Variants in MEI4 observed in about 807,000 individuals in gnomAD.
MEI4 encodes the protein meiotic double-stranded break formation protein 4.
A neutral mutation model predicts 31.4 loss-of-function variants in MEI4; 27 were observed. That is an observed-to-expected ratio of 0.86 (90% CI 0.63 to 1.19). The LOEUF (loss-of-function observed/expected upper bound fraction) is 1.19. Among genes scored for constraint, MEI4 ranks in the 50% most tolerant of loss-of-function variants. The probability of loss-of-function intolerance (pLI) is 0.00; values close to 1 mark genes in which losing one functional copy is unlikely to be tolerated. For synonymous variants in MEI4, 122 were observed against 145.4 expected (o/e 0.84, Z 1.16); for missense variants, 329 against 398.9 (o/e 0.82, Z 1.49).
intron 3 of MEI4, among the ~76,000 whole-genome samples, chr6:77,816,607 G>A (rs1769695273): frequency 1.3e-5 from 2 of 152,112 alleles, no homozygotes; most frequent in Admixed American, 6.6e-5. Flanking sequence ...ACATAGGTGT[G>A]CATGTGTCTT....
At chr6:77,918,792 CT>C (rs1434967745) in intron 4 of MEI4, among the ~76,000 whole-genome samples, 2 of 151,978 alleles carry the variant, frequency 1.3e-5, no homozygotes, top group Non-Finnish European at 2.9e-5. Context: ...CTGGCCAGAA[CT>C]TCCAATACTA....
chr6:77,660,214 G>C (rs933411747), intron 1 of MEI4, among the ~76,000 whole-genome samples: 1 of 152,290 alleles, frequency 6.6e-6, no homozygotes, highest in Admixed American at 6.5e-5. Context: ...GAAGTGGCTA[G>C]GAGAGAATGG....
chr6:77,734,386 A>T (rs1273516745), intron 2 of MEI4, among the ~76,000 whole-genome samples: 3 of 152,036 alleles, frequency 2.0e-5, no homozygotes, highest in Admixed American at 2.0e-4. Flanking sequence ...CTTTACCATT[A>T]TGTAATGGCC....
chr6:77,797,043 ATGATTAAC>A (rs1250261082), intron 3 of MEI4, among the ~76,000 whole-genome samples: 1 of 152,216 alleles, frequency 6.6e-6, no homozygotes, highest in Admixed American at 6.5e-5. Flanking sequence ...ACACATGTGT[ATGATTAAC>A]TGATTTTTGA....
At chr6:77,880,235 T>TTTTTTTTTTTTTG (rs1554171569) in intron 4 of MEI4, among the ~76,000 whole-genome samples, 42 of 51,250 alleles carry the variant, frequency 8.2e-4, no homozygotes, top group African/African-American at 3.5e-3. Context: ...TTTTTGTTTG[T>TTTTTTTTTTTTTG]TTTTTTTTTT....
chr6:77,696,519 T>G (rs1766049630), intron 2 of MEI4, among the ~76,000 whole-genome samples: 1 of 152,014 alleles, frequency 6.6e-6, no homozygotes, highest in Non-Finnish European at 1.5e-5. Context: ...TCTATTGAGA[T>G]AATCATGTGG....
intron 3 of MEI4, among the ~76,000 whole-genome samples, chr6:77,799,651 G>C (rs563019420): frequency 6.6e-6 from 1 of 151,960 alleles, no homozygotes; most frequent in Admixed American, 6.6e-5. Context: ...TCTTTAATCC[G>C]TCTTGAATTA....
intron 4 of MEI4, among the ~76,000 whole-genome samples, chr6:77,917,205 A>G (rs1435014147): frequency 6.6e-6 from 1 of 151,848 alleles, no homozygotes; most frequent in Admixed American, 6.6e-5. Context: ...AGTCTTTGCT[A>G]TTGTGAATAA....
intron 2 of MEI4, among the ~76,000 whole-genome samples, chr6:77,715,345 C>T (rs1395820771): frequency 6.6e-6 from 1 of 152,074 alleles, no homozygotes; most frequent in African/African-American, 2.4e-5. Flanking sequence ...TGAGAATGGA[C>T]TTTATTTTCA....
Position 77,847,047 on chromosome 6 carries a change from G to A in MEI4, c.900+17985G>A, listed in dbSNP as rs1019509209. Among the ~76,000 whole-genome samples, 2 of 152,114 alleles carry A rather than the reference G, an allele frequency of 1.3e-5. No individual in the cohort carries two copies. Among genetic ancestry groups the A allele is most frequent in the Admixed American group, 6.6e-5 (1 of 15,260 alleles). Reference sequence around the variant, plus strand: ...GAAATAATGTTTAACAACAATGACTGTCATCTTAAAGGGTTCTGTGCTTTT... The same window carrying A: ...GAAATAATGTTTAACAACAATGACTATCATCTTAAAGGGTTCTGTGCTTTT... On this transcript the variant is annotated intron_variant, in intron 4 of 4. Transcript: ENST00000684080. This position sits in a 1 kb window ranked among gnomAD's most constrained non-coding sequence, Gnocchi z 4.6.
At position 77,851,331 on chromosome 6, in the gene MEI4, C is replaced by T. The variant is rs531779381; in HGVS notation, c.900+22269C>T. Among the ~76,000 whole-genome samples the T allele has an allele frequency of 4.6e-5, 7 of 152,162 alleles. No individual in the cohort carries two copies. The South Asian group carries it at 1.2e-3, about 27-fold the overall frequency. On this transcript the variant is annotated intron_variant, in intron 4 of 4. Transcript: ENST00000684080. Reference sequence around the variant, plus strand: ...AGTCATGCTGCTATAAAGACACATGCACATGTATGTTTATTGCAGCACTAT... The same window carrying T: ...AGTCATGCTGCTATAAAGACACATGTACATGTATGTTTATTGCAGCACTAT...
chr6:77,737,359 A>T (rs1232859921), intron 2 of MEI4, among the ~76,000 whole-genome samples: 1 of 152,208 alleles, frequency 6.6e-6, no homozygotes, highest in Non-Finnish European at 1.5e-5. Flanking sequence ...TTACTTTGGC[A>T]TGGAAATAAA....
At position 77,920,322 on chromosome 6, in the gene MEI4, G is replaced by A. The variant is rs139700666; in HGVS notation, c.901-2767G>A. Among the ~76,000 whole-genome samples, 268 of 152,094 alleles carry A rather than the reference G, an allele frequency of 1.8e-3. 1 individual carries two copies. The highest frequency in any genetic ancestry group is 4.6e-3 in the African/African-American group (192 of 41,524). On this transcript the variant is annotated intron_variant, in intron 4 of 4. Transcript: ENST00000684080. ...CACCATGATCAAGTGGGCTTCATCCGTGGGATGCAAGGCTGTTTCAATATA... is the reference window on the plus strand; with the variant it reads ...CACCATGATCAAGTGGGCTTCATCCATGGGATGCAAGGCTGTTTCAATATA...
Position 77,715,376 on chromosome 6 carries a change from A to G in MEI4, c.232+24473A>G, listed in dbSNP as rs561311886. ...TTTCAGGACCAACACAATAGTAAAAATCAGTGGAAATGAGTTCTGTTTGAT... is the reference window on the plus strand; with the variant it reads ...TTTCAGGACCAACACAATAGTAAAAGTCAGTGGAAATGAGTTCTGTTTGAT... On this transcript the variant is annotated intron_variant, in intron 2 of 4. Transcript: ENST00000684080. Among the ~76,000 whole-genome samples the G allele has an allele frequency of 1.8e-3, 269 of 152,308 alleles. 1 individual carries two copies. The highest frequency in any genetic ancestry group is 6.1e-3 in the African/African-American group (255 of 41,568).
intron 4 of MEI4, among the ~76,000 whole-genome samples, chr6:77,886,887 G>A (rs998248050): frequency 1.3e-5 from 2 of 151,512 alleles, no homozygotes; most frequent in Non-Finnish European, 2.9e-5. Context: ...TATCTGTTTT[G>A]TTTATCTTCT....
chr6:77,924,077 A>AAATTCTAATATCCATCT lies in MEI4; in HGVS notation c.*734_*750dup, dbSNP rs1360169459. On this transcript the variant is annotated 3_prime_UTR_variant, in exon 5 of 5. Transcript: ENST00000684080. ...AATTAAGTCACTAGACATATTTTAT[A>AAATTCTAATATCCATCT]AATTCTAATATCCATCTAAAAGTGA... 3 of 151,830 alleles carry AAATTCTAATATCCATCT rather than the reference A, an allele frequency of 2.0e-5. No individual in the cohort carries two copies. Among genetic ancestry groups the AAATTCTAATATCCATCT allele is most frequent in the African/African-American group, 7.2e-5 (3 of 41,422 alleles). 9.4% of individuals were successfully genotyped at this position (151,830 alleles called of 1,614,324 possible).
At chr6:77,665,621 G>A (rs917821526) in intron 1 of MEI4, among the ~76,000 whole-genome samples, 2 of 152,184 alleles carry the variant, frequency 1.3e-5, no homozygotes, top group African/African-American at 4.8e-5. Context: ...TGAAACGTGG[G>A]TGAATAATCA....
At chr6:77,677,793 T>C (rs192175743) in intron 1 of MEI4, among the ~76,000 whole-genome samples, 165 of 152,324 alleles carry the variant, frequency 1.1e-3, no homozygotes, top group African/African-American at 2.6e-3. Flanking sequence ...GCGAAATACA[T>C]GTTTTTATTA....
chr6:77,919,937 A>G lies in MEI4; in HGVS notation c.901-3152A>G, dbSNP rs1216432246. ...ATTCCTCGACACATACACTCTCCCA[A>G]GACTGAACCAGGAAGAAGTTGAATC... On this transcript the variant is annotated intron_variant, in intron 4 of 4. Transcript: ENST00000684080. 2.0e-5 allele frequency among the ~76,000 whole-genome samples: 3 copies of G among 148,540 alleles called. No homozygotes were observed. In the Admixed American group the frequency reaches 2.0e-4, roughly 10 times the overall value.
Sources: allele counts gnomAD v4.1 joint callset (sites outside exome capture counted in the v4.1 genomes callset), GRCh38; gene constraint gnomAD v4.1.1; non-coding constraint Gnocchi (gnomAD v3.1); transcripts MANE v1.5; gene names NCBI Gene and HGNC (gene_info 2026-07-23, HGNC 2026-07-21).